RBP7: variants seen among roughly 807,000 people sequenced by gnomAD.
The protein encoded by RBP7 is retinoid-binding protein 7.
In RBP7, 13 loss-of-function variants were observed where a neutral mutation model predicts 16.7. The observed-to-expected ratio is 0.78, with a 90% CI of 0.51 to 1.24. The LOEUF (loss-of-function observed/expected upper bound fraction) is 1.24, where lower values mean the gene tolerates loss of function less well. Ranked by LOEUF, RBP7 falls within the 50% of genes most tolerant of loss-of-function variation. The probability of loss-of-function intolerance (pLI) is 0.00; values close to 1 mark genes in which losing one functional copy is unlikely to be tolerated. For missense variants in RBP7, 145 were observed against 159.5 expected, an observed-to-expected ratio of 0.91 and a Z score of 0.49; for synonymous variants, 54 against 56.2, an observed-to-expected ratio of 0.96 and a Z score of 0.17.
intron 1 of RBP7, among the ~76,000 whole-genome samples, chr1:10,002,320 T>A (rs963606869): frequency 1.3e-5 from 2 of 151,832 alleles, no homozygotes; most frequent in Non-Finnish European, 2.9e-5. Flanking sequence ...ATCAGGCTGT[T>A]CCCTCCTACT....
At chr1:10,006,402 C>T (rs778026499) in intron 1 of RBP7, among the ~76,000 whole-genome samples, 51 of 152,006 alleles carry the variant, frequency 3.4e-4, no homozygotes, top group Non-Finnish European at 5.9e-4. Flanking sequence ...CCCAGCTATT[C>T]GAGAGGCTGA....
At chr1:9,998,921 C>T (rs189257009) in intron 1 of RBP7, among the ~76,000 whole-genome samples, 49 of 152,226 alleles carry the variant, frequency 3.2e-4, no homozygotes, top group Non-Finnish European at 5.4e-4. Flanking sequence ...GGGGACCTTC[C>T]TGCTACTGTT....
chr1:10,014,630 G>T (rs1273656561), intron 3 of RBP7, among the ~76,000 whole-genome samples: 1 of 151,964 alleles, frequency 6.6e-6, no homozygotes, highest in Non-Finnish European at 1.5e-5. Flanking sequence ...CAGGCGATCT[G>T]CCCGCCTCGG....
At chr1:9,999,097 G>A (rs1330300459) in intron 1 of RBP7, among the ~76,000 whole-genome samples, 3 of 152,146 alleles carry the variant, frequency 2.0e-5, no homozygotes, top group African/African-American at 4.8e-5. Context: ...AATGTCTCAT[G>A]AGATTTGATG....
intron 3 of RBP7, among the ~76,000 whole-genome samples, chr1:10,011,280 TG>T (rs1300295024): frequency 6.6e-6 from 1 of 151,866 alleles, no homozygotes; most frequent in Non-Finnish European, 1.5e-5. Context: ...TCACCTGCTT[TG>T]GGAAAAAAAA....
intron 1 of RBP7, 152 bp from the exon 2 acceptor site, chr1:10,007,418 A>T (rs957724536): frequency 2.1e-5 from 14 of 670,152 alleles, no homozygotes; most frequent in Non-Finnish European, 3.5e-5. Context: ...TGCCAAGACG[A>T]TTCCTTGTAG....
chr1:10,006,839 C>A, intron 1 of RBP7: 2 of 327,854 alleles, frequency 6.1e-6, no homozygotes, highest in Non-Finnish European at 1.2e-5. Context: ...TGTTGAGAAA[C>A]TGTTCAAATG....
At position 10,001,808 on chromosome 1, in the gene RBP7, A is replaced by T. The variant is rs1057371358; in HGVS notation, c.73+4477A>T. Among the ~76,000 whole-genome samples, 15 of 89,546 alleles carry T rather than the reference A, an allele frequency of 1.7e-4. 1 individual carries two copies. In the South Asian group the frequency reaches 5.8e-3, roughly 35 times the overall value. The allele number at this position is 89,546 out of a possible 152,430, so 58.7% of individuals were successfully genotyped here. ...TGGGATATATTTATTTAATTTAATT[A>T]GTTTATTTATTTATTTATTTATTTA... On this transcript the variant is annotated intron_variant, in intron 1 of 3. Transcript: ENST00000294435.
At position 9,997,361 on chromosome 1, in the gene RBP7, G is replaced by T. The variant is rs763409396; in HGVS notation, c.73+30G>T. ...GGCGGAGGGGAGGCGGCGGCGGCGCGAGGCTCGCCGTGGGTCTCGGGATCA... is the reference window on the plus strand; with the variant it reads ...GGCGGAGGGGAGGCGGCGGCGGCGCTAGGCTCGCCGTGGGTCTCGGGATCA... On this transcript the variant is annotated intron_variant, in intron 1 of 3. Coordinates refer to ENST00000294435, the MANE Select transcript of RBP7 (RefSeq NM_052960.3). This position sits in a 1 kb window ranked among gnomAD's most constrained non-coding sequence, Gnocchi z 5.9. 1 of 1,603,328 alleles carries T rather than the reference G, an allele frequency of 6.2e-7. No individual in the cohort carries two copies. The highest frequency in any genetic ancestry group is 1.4e-5 in the African/African-American group (1 of 73,996).
At chr1:9,998,804 A>T (rs950820395) in intron 1 of RBP7, among the ~76,000 whole-genome samples, 2 of 152,124 alleles carry the variant, frequency 1.3e-5, no homozygotes, top group Non-Finnish European at 2.9e-5. Flanking sequence ...TCCTCTGGGT[A>T]TGGGAAAAGC....
At chr1:10,014,975 GA>G (rs1333509263) in intron 3 of RBP7, among the ~76,000 whole-genome samples, 1 of 152,186 alleles carries the variant, frequency 6.6e-6, no homozygotes, top group Non-Finnish European at 1.5e-5. Context: ...TGGTGTCAGA[GA>G]GTTGGAGAAG....
intron 1 of RBP7, among the ~76,000 whole-genome samples, chr1:10,004,997 A>AAAT (rs759863288): frequency 3.3e-5 from 5 of 152,058 alleles, no homozygotes; most frequent in Non-Finnish European, 7.3e-5. Flanking sequence ...TGTCTCAAAA[A>AAAT]AATAATAATA....
At chr1:10,011,917 C>T (rs1020997093) in intron 3 of RBP7, among the ~76,000 whole-genome samples, 24 of 151,954 alleles carry the variant, frequency 1.6e-4, no homozygotes, top group African/African-American at 4.3e-4. Context: ...ATTAGCTGGG[C>T]GGAGCCGGGC....
intron 3 of RBP7, 66 bp from the exon 4 acceptor site, chr1:10,015,716 T>G (rs1642757442): frequency 1.5e-6 from 2 of 1,305,484 alleles, no homozygotes; most frequent in Admixed American, 3.4e-5. Context: ...AAAAAATAAG[T>G]GTTGAGAGTA....
intron 3 of RBP7, among the ~76,000 whole-genome samples, chr1:10,011,062 T>C (rs1642602610): frequency 6.6e-6 from 1 of 152,240 alleles, no homozygotes; most frequent in South Asian, 2.1e-4. Flanking sequence ...TACAACATTT[T>C]CTATACAAAG....
intron 1 of RBP7, among the ~76,000 whole-genome samples, chr1:10,000,274 A>G (rs937447238): frequency 6.6e-6 from 1 of 151,260 alleles, no homozygotes; most frequent in African/African-American, 2.4e-5. Context: ...GCTCACGCCT[A>G]TAATCCCAGC....
intron 1 of RBP7, among the ~76,000 whole-genome samples, chr1:10,001,441 G>C (rs1310742111): frequency 6.6e-6 from 1 of 152,112 alleles, no homozygotes; most frequent in Non-Finnish European, 1.5e-5. Context: ...AAGTAGCTGG[G>C]ACAACAGGTG....
chr1:10,006,524 A>T (rs1362883179), intron 1 of RBP7, among the ~76,000 whole-genome samples: 5 of 151,846 alleles, frequency 3.3e-5, no homozygotes, highest in Admixed American at 6.6e-5. Flanking sequence ...AAAGAAAAAA[A>T]TTATAAATAC....
intron 1 of RBP7, among the ~76,000 whole-genome samples, chr1:9,999,880 C>T (rs937544311): frequency 7.6e-5 from 11 of 144,350 alleles, no homozygotes; most frequent in African/African-American, 2.3e-4. Flanking sequence ...TGCAGTGGCG[C>T]GATCTCGGTG....
Sources: gnomAD v4.1 joint callset for allele counts (sites outside exome capture counted in the v4.1 genomes callset) on GRCh38, gnomAD v4.1.1 for gene constraint, Gnocchi (gnomAD v3.1) non-coding constraint, MANE v1.5 for transcripts, NCBI Gene and HGNC (gene_info 2026-07-23, HGNC 2026-07-21) for gene names.